Variants in MIGA2 observed in about 807,000 individuals in gnomAD.
MIGA2 encodes the protein family with sequence similarity 73, member B.
A neutral mutation model predicts 69.9 loss-of-function variants in MIGA2; 36 were observed. The observed-to-expected ratio is 0.52, with a 90% confidence interval of 0.39 to 0.68. MIGA2 has a LOEUF of 0.68. MIGA2 is among the 30% of genes least tolerant of loss of function. The pLI, the probability that MIGA2 is intolerant of heterozygous loss-of-function variation, is 0.00. For synonymous variants in MIGA2, 333 were observed against 349.2 expected (o/e 0.95, Z 0.52); for missense variants, 660 against 787.7 (o/e 0.84, Z 1.94).
intron 4 of MIGA2, 65 bp from the exon 5 acceptor site, chr9:129,049,316 C>G: frequency 1.3e-6 from 2 of 1,515,574 alleles, no homozygotes; most frequent in Non-Finnish European, 1.8e-6. Flanking sequence ...GAGGAGGGCT[C>G]AGGGGGGCCC....
rs763211748 is a variant in MIGA2 at position 129,070,349 on chromosome 9, C to CG, written c.1679dup (p.Ser561GlnfsTer56). 1 of 1,613,010 alleles carries CG rather than the reference C, an allele frequency of 6.2e-7. No individual in the cohort carries two copies. On this transcript the variant is annotated frameshift_variant, in exon 16 of 16. Transcript: ENST00000684074. LOFTEE classifies it high-confidence loss of function. Reference sequence around the variant, plus strand: ...CGACATCCTGCAGCTGTCCCGGCGCCGCAGCGAGATATTGCTGGGGTACCT... The same window carrying CG: ...CGACATCCTGCAGCTGTCCCGGCGCCGGCAGCGAGATATTGCTGGGGTACCT...
At position 129,069,825 on chromosome 9, in the gene MIGA2, C is replaced by A; in HGVS notation, c.1459-24C>A. 1.3e-6 allele frequency: 2 copies of A among 1,562,920 alleles called. No homozygotes were observed. The highest frequency in any genetic ancestry group is 1.8e-6 in the Non-Finnish European group (2 of 1,134,190). On this transcript the variant is annotated intron_variant, in intron 14 of 15. Transcript: ENST00000684074. This position sits in a 1 kb window ranked among gnomAD's most constrained non-coding sequence, Gnocchi z 4.9. ...TCATCCTACCTGGGCCCCGCCTGGC[C>A]CCTCAGCCTTGTGCCCACCGCAGGT... is the stretch of plus-strand genomic sequence containing the variant.
rs149794842 is a variant in MIGA2 at position 129,061,118 on chromosome 9, G to T, written c.895-113G>T. On this transcript the variant is annotated intron_variant, in intron 8 of 15. Coordinates refer to ENST00000684074, the MANE Select transcript of MIGA2 (RefSeq NM_001329990.2). This position sits in a 1 kb window ranked among gnomAD's most constrained non-coding sequence, Gnocchi z 5.0. ...TGACATCCCCTCAGAGACGTTGGCA[G>T]TGGGCAGGCACCTGGGGTGGCCGCT... The T allele has an allele frequency of 2.9e-3, 2,414 of 840,736 alleles. 40 individuals carry two copies. The African/African-American group carries it at 0.036, about 12-fold the overall frequency. 52.1% of individuals were successfully genotyped at this position (840,736 alleles called of 1,614,324 possible). A position where few individuals can be genotyped will look rare whatever the true frequency, so the allele number is the denominator to read the frequency against.
rs911329717 is a variant in MIGA2 at position 129,060,805 on chromosome 9, TG to T, written c.894+161del. ...CGGGCCTCCTCGAAGCTGTTGGGGATGGGGGGTGCTGAGAAATCGGGGGCTG... is the reference window on the plus strand; with the variant it reads ...CGGGCCTCCTCGAAGCTGTTGGGGATGGGGGTGCTGAGAAATCGGGGGCTG... On this transcript the variant is annotated intron_variant, in intron 8 of 15. Transcript: ENST00000684074. This position sits in a 1 kb window ranked among gnomAD's most constrained non-coding sequence, Gnocchi z 4.8. Among the ~76,000 whole-genome samples the T allele has an allele frequency of 2.0e-5, 3 of 148,556 alleles. No individual in the cohort carries two copies. Among genetic ancestry groups the T allele is most frequent in the African/African-American group, 2.5e-5 (1 of 40,666 alleles).
chr9:129,045,463 A>AAAAAC (rs1554839071), intron 3 of MIGA2, among the ~76,000 whole-genome samples: 1 of 144,858 alleles, frequency 6.9e-6, no homozygotes, highest in Non-Finnish European at 1.5e-5. Context: ...AAAAAAAAAA[A>AAAAAC]AAAAGCAAAA....
At position 129,059,112 on chromosome 9, in the gene MIGA2, A is replaced by G. The variant is rs1454512320; in HGVS notation, c.676-42A>G. 1 of 1,572,916 alleles carries G rather than the reference A, an allele frequency of 6.4e-7. No homozygotes were observed. The highest frequency in any genetic ancestry group is 8.7e-7 in the Non-Finnish European group (1 of 1,144,380). On this transcript the variant is annotated intron_variant, in intron 6 of 15. Coordinates refer to ENST00000684074, the MANE Select transcript of MIGA2 (RefSeq NM_001329990.2). The surrounding 1 kb of genome is among the most constrained non-coding windows in gnomAD (Gnocchi z 5.6). The stretch of plus-strand genomic sequence containing the variant: ...GAGGGAAGGGGCCATTTTCATCGGG[A>G]GCTTTGAGGGTCTGGGTTGAGGGTC...
At chr9:129,042,631 A>G (rs570365062) in intron 3 of MIGA2, 117 bp downstream of exon 3, 1 of 1,047,212 alleles carries the variant, frequency 9.5e-7, no homozygotes, top group East Asian at 2.6e-5. Context: ...CTCAGAGCCA[A>G]GGTCTCCTGA....
chr9:129,056,129 G>GA (rs76491749), intron 6 of MIGA2, among the ~76,000 whole-genome samples: 605 of 77,364 alleles, frequency 7.8e-3, no homozygotes, highest in Middle Eastern at 0.035. Context: ...CCTGTCTCAA[G>GA]AAAAAAAAAA....
intron 3 of MIGA2, among the ~76,000 whole-genome samples, 183 bp downstream of exon 3, chr9:129,042,697 A>AT (rs914854311): frequency 2.6e-4 from 40 of 152,082 alleles, no homozygotes; most frequent in African/African-American, 7.2e-4. Flanking sequence ...CTGGAGGGTG[A>AT]TGTGGTTGGA....
Position 129,072,068 on chromosome 9 carries a change from G to A in MIGA2, c.*1615G>A, listed in dbSNP as rs2131406029. On this transcript the variant is annotated 3_prime_UTR_variant, in exon 16 of 16. Coordinates refer to ENST00000684074, the MANE Select transcript of MIGA2 (RefSeq NM_001329990.2). Reference sequence around the variant, plus strand: ...GACTGTGAGTCGAATAAACAATTGAGACGATTTCCTTCCACTTTGCCATGT... The same window carrying A: ...GACTGTGAGTCGAATAAACAATTGAAACGATTTCCTTCCACTTTGCCATGT... 6.5e-6 allele frequency: 1 copy of A among 152,752 alleles called. No homozygotes were observed. The highest frequency in any genetic ancestry group is 2.1e-4 in the South Asian group (1 of 4,830). The allele number at this position is 152,752 out of a possible 1,614,324, so 9.5% of individuals were successfully genotyped here. A position where few individuals can be genotyped will look rare whatever the true frequency, so the allele number is the denominator to read the frequency against.
intron 3 of MIGA2, among the ~76,000 whole-genome samples, chr9:129,045,441 CAAAAAAAAAAAAAA>C (rs766649271): frequency 5.0e-5 from 1 of 20,050 alleles, no homozygotes. Flanking sequence ...GACTCTGTCT[CAAAAAAAAAAAAAA>C]AAAAAAAAAA....
intron 3 of MIGA2, among the ~76,000 whole-genome samples, chr9:129,046,728 G>A (rs189239623): frequency 3.2e-4 from 48 of 151,940 alleles, no homozygotes; most frequent in Non-Finnish European, 2.5e-4. Context: ...TTACAGGTGC[G>A]TGCCACCACA....
chr9:129,043,736 T>C (rs1845050656), intron 3 of MIGA2, among the ~76,000 whole-genome samples: 1 of 151,900 alleles, frequency 6.6e-6, no homozygotes, highest in African/African-American at 2.4e-5. Flanking sequence ...TCTCACTCTC[T>C]GTCACCCGGG....
intron 6 of MIGA2, among the ~76,000 whole-genome samples, chr9:129,058,096 G>A (rs1441331958): frequency 6.6e-6 from 1 of 151,920 alleles, no homozygotes; most frequent in East Asian, 1.9e-4. Context: ...ACTTTTAGAG[G>A]AGTCAAAAGT....
chr9:129,037,201 T>G (rs1314815555), intron 1 of MIGA2, among the ~76,000 whole-genome samples: 2 of 151,574 alleles, frequency 1.3e-5, no homozygotes, highest in Admixed American at 6.6e-5. Context: ...CTGGGCAGAG[T>G]GGCTCAAGGG....
chr9:129,049,006 G>A (rs763939383), intron 4 of MIGA2, among the ~76,000 whole-genome samples: 14 of 152,282 alleles, frequency 9.2e-5, no homozygotes, highest in Non-Finnish European at 1.9e-4. Flanking sequence ...CCAGCCACTC[G>A]TGTGGATGAG....
At chr9:129,065,676 C>T (rs555346408) in intron 11 of MIGA2, among the ~76,000 whole-genome samples, 27 of 152,178 alleles carry the variant, frequency 1.8e-4, no homozygotes, top group Non-Finnish European at 3.4e-4. Context: ...TGAAAGACAA[C>T]GCCTGTATAA....
rs376536599 is a variant in MIGA2 at position 129,064,908 on chromosome 9, G to T, written c.1170+1277G>T. Among the ~76,000 whole-genome samples, 29 of 150,752 alleles carry T rather than the reference G, an allele frequency of 1.9e-4. No individual in the cohort carries two copies. In the East Asian group the frequency reaches 4.2e-3, roughly 22 times the overall value. On this transcript the variant is annotated intron_variant, in intron 11 of 15. Coordinates refer to ENST00000684074, the MANE Select transcript of MIGA2 (RefSeq NM_001329990.2). ...AGCAATCCTCCCACCTCAACCTCCT[G>T]AGTAGCTGGGATTACAGGCATGTGT...
At position 129,060,412 on chromosome 9, in the gene MIGA2, G is replaced by A. The variant is rs1183831145; in HGVS notation, c.794-138G>A. 2.9e-6 allele frequency: 2 copies of A among 692,534 alleles called. No homozygotes were observed. The highest frequency in any genetic ancestry group is 4.8e-6 in the Non-Finnish European group (2 of 412,422). The allele number at this position is 692,534 out of a possible 1,614,324, so 42.9% of individuals were successfully genotyped here. The stretch of plus-strand genomic sequence containing the variant: ...ACACAGAAGCGCTTGGCACGTCAGA[G>A]CTTTGCCATTGAGTGTGGGAATCAC... On this transcript the variant is annotated intron_variant, in intron 7 of 15. Coordinates refer to ENST00000684074, the MANE Select transcript of MIGA2 (RefSeq NM_001329990.2). The surrounding 1 kb of genome is among the most constrained non-coding windows in gnomAD (Gnocchi z 4.8).
Sources: allele counts gnomAD v4.1 joint callset (sites outside exome capture counted in the v4.1 genomes callset), GRCh38; gene constraint gnomAD v4.1.1; non-coding constraint Gnocchi (gnomAD v3.1); transcripts MANE v1.5; gene names NCBI Gene and HGNC (gene_info 2026-07-23, HGNC 2026-07-21).